PRH1: variants seen among roughly 807,000 people sequenced by gnomAD.
PRH1 encodes the protein salivary acidic proline-rich phosphoprotein 1/2.
PRH1 carries 7 observed loss-of-function variants against 7.9 expected under a neutral mutation model. The ratio of observed to expected loss-of-function variants is 0.89; its 90% CI spans 0.50 to 1.67. PRH1 has a LOEUF of 1.67. PRH1 is among the 40% of genes most tolerant of loss of function. The pLI, the probability that PRH1 is intolerant of heterozygous loss-of-function variation, is 0.00. For synonymous variants in PRH1, 45 were observed against 80.8 expected (o/e 0.56, Z 2.38); for missense variants, 109 against 223.6 (o/e 0.49, Z 3.27).
At chr12:11,101,876 C>T (rs1387851390) in intron 1 of PRH1, among the ~76,000 whole-genome samples, 1 of 152,048 alleles carries the variant, frequency 6.6e-6, no homozygotes, top group Non-Finnish European at 1.5e-5. Context: ...GTGCAAAAAT[C>T]ACAAACATTC....
intron 1 of PRH1, among the ~76,000 whole-genome samples, chr12:11,014,193 G>C (rs1472501931): frequency 6.6e-6 from 1 of 152,182 alleles, no homozygotes; most frequent in Non-Finnish European, 1.5e-5. Context: ...GATTACATGA[G>C]ATCACCAACA....
intron 1 of PRH1, chr12:10,997,528 A>G: frequency 6.2e-7 from 1 of 1,614,018 alleles, no homozygotes; most frequent in South Asian, 1.1e-5. Context: ...GATGAAAAAT[A>G]AGTCTGGAGA....
At chr12:10,939,253 T>G in intron 2 of PRH1, 1 of 1,093,212 alleles carries the variant, frequency 9.1e-7, no homozygotes, top group Non-Finnish European at 1.3e-6. Flanking sequence ...TGCTGAAGAC[T>G]TCTTAATGCA....
chr12:11,031,282 A>C, intron 1 of PRH1: 1 of 1,613,966 alleles, frequency 6.2e-7, no homozygotes, highest in Non-Finnish European at 8.5e-7. Flanking sequence ...AATTTCCAAT[A>C]ACAAATAGAA....
At chr12:10,998,407 T>C (rs1467547335) in intron 1 of PRH1, among the ~76,000 whole-genome samples, 2 of 152,010 alleles carry the variant, frequency 1.3e-5, no homozygotes, top group Admixed American at 6.6e-5. Flanking sequence ...ATACACAGAA[T>C]CTAAACTTTT....
intron 2 of PRH1, among the ~76,000 whole-genome samples, chr12:10,921,591 C>T (rs1451310315): frequency 1.3e-5 from 2 of 152,002 alleles, no homozygotes; most frequent in African/African-American, 4.8e-5. Flanking sequence ...GTTGTACTAC[C>T]ATTGTCTATT....
chr12:10,998,374 T>A (rs371749683), intron 1 of PRH1, among the ~76,000 whole-genome samples: 2 of 152,132 alleles, frequency 1.3e-5, no homozygotes, highest in South Asian at 4.1e-4. Context: ...TCACTATGGA[T>A]TTATTTTTAA....
At chr12:11,154,991 A>G (rs1947209893) in intron 1 of PRH1, among the ~76,000 whole-genome samples, 1 of 152,300 alleles carries the variant, frequency 6.6e-6, no homozygotes, top group South Asian at 2.1e-4. Flanking sequence ...ATGGTGCCAT[A>G]TTTCTTGCAG....
chr12:10,908,871 A>T lies in PRH1; in HGVS notation c.-58-24596T>A, dbSNP rs1447433761. On this transcript the variant is annotated intron_variant, in intron 2 of 3. Coordinates refer to the PRH1 transcript ENST00000539853. ...ATGCATGTTTATTTGTATCAGATTT[A>T]AAAATAAGAAGACCAAGGTTCCTAG... is the stretch of plus-strand genomic sequence containing the variant. 6.8e-6 allele frequency: 11 copies of T among 1,612,972 alleles called. No individual in the cohort carries two copies. The South Asian group carries it at 9.9e-5, about 15-fold the overall frequency.
intron 1 of PRH1, among the ~76,000 whole-genome samples, chr12:10,996,155 A>G (rs1231730678): frequency 6.8e-6 from 1 of 147,602 alleles, no homozygotes; most frequent in African/African-American, 2.5e-5. Flanking sequence ...ATCTCTACTA[A>G]AAAAAAAAAG....
intron 1 of PRH1, chr12:11,061,800 C>T: frequency 3.1e-6 from 5 of 1,614,144 alleles, no homozygotes; most frequent in South Asian, 1.1e-5. Flanking sequence ...TCAGTTTGAT[C>T]TTCCAAGTCA....
chr12:11,051,585 C>A (rs1009999139), upstream of PRH1, among the ~76,000 whole-genome samples: 1 of 141,910 alleles, frequency 7.0e-6, no homozygotes, highest in African/African-American at 2.5e-5. Context: ...GTTTCCATCC[C>A]TCTACACCTT....
At chr12:10,968,451 C>G (rs545219543) in intron 2 of PRH1, among the ~76,000 whole-genome samples, 1 of 152,266 alleles carries the variant, frequency 6.6e-6, no homozygotes, top group South Asian at 2.1e-4. Context: ...ATGATGATAG[C>G]TACAAGGTAG....
At chr12:10,895,676 T>C (rs1949634521) in intron 2 of PRH1, 1 of 152,138 alleles carries the variant, frequency 6.6e-6, no homozygotes, top group Admixed American at 6.5e-5. Context: ...ATAGCCTATA[T>C]TGAAAGAGGT....
At chr12:10,918,066 T>C (rs866160596) in intron 2 of PRH1, among the ~76,000 whole-genome samples, 1 of 152,190 alleles carries the variant, frequency 6.6e-6, no homozygotes, top group Admixed American at 6.5e-5. Context: ...TCATGTCCTT[T>C]GCAGGGACAT....
intron 3 of PRH1, 61 bp downstream of exon 3, chr12:10,882,156 C>T (rs1254806013): frequency 2.5e-6 from 4 of 1,600,036 alleles, no homozygotes; most frequent in Admixed American, 1.7e-5. Flanking sequence ...TTCATTGGCA[C>T]AATGAAGTTG....
chr12:11,156,844 ATTTTTTT>A (rs141685387), intron 1 of PRH1, among the ~76,000 whole-genome samples: 1 of 139,154 alleles, frequency 7.2e-6, no homozygotes, highest in Non-Finnish European at 1.5e-5. Flanking sequence ...GAAAACACCA[ATTTTTTT>A]TTTTTTTTTT....
chr12:11,157,792 T>C (rs984108392), intron 1 of PRH1, among the ~76,000 whole-genome samples: 1 of 152,132 alleles, frequency 6.6e-6, no homozygotes, highest in Non-Finnish European at 1.5e-5. Context: ...AAAAAACAAA[T>C]AGTTAAATGA....
At chr12:11,048,133 C>A (rs1255101235), upstream of PRH1, among the ~76,000 whole-genome samples, 33 of 140,670 alleles carry the variant, frequency 2.3e-4, no homozygotes, top group Non-Finnish European at 2.9e-4. Flanking sequence ...CACACATATA[C>A]CCACACACAT....
Sources: allele counts gnomAD v4.1 joint callset (sites outside exome capture counted in the v4.1 genomes callset), GRCh38; gene constraint gnomAD v4.1.1; transcripts MANE v1.5; gene names NCBI Gene and HGNC (gene_info 2026-07-23, HGNC 2026-07-21).